NPTX2: variants seen among roughly 807,000 people sequenced by gnomAD.
NPTX2 encodes neuronal pentraxin-2.
NPTX2 carries 23 observed loss-of-function variants against 38.1 expected under a neutral mutation model. The observed-to-expected ratio is 0.60, with a 90% CI of 0.43 to 0.85. NPTX2 has a LOEUF of 0.85. NPTX2 is among the 40% of genes least tolerant of loss of function. The pLI is 0.00. For missense variants in NPTX2, 553 were observed against 615.3 expected, an observed-to-expected ratio of 0.90 and a Z score of 1.07; for synonymous variants, 291 against 287.3, an observed-to-expected ratio of 1.01 and a Z score of -0.13.
chr7:98,619,795 T>C lies in NPTX2; in HGVS notation c.579T>C (p.Ala193=), dbSNP rs1647184574. ...CCCTGCTGCACAATGAGACCTCGGC[T>C]CACCGGCAGAAGACCGAGAGCACCC... is the stretch of plus-strand genomic sequence containing the variant. ...EKSLLHNETS[A]HRQKTESTLN... The change falls in exon 2 of 5, where the codon GCT becomes GCC. Residue 193 remains alanine (A), a synonymous_variant. Coordinates refer to ENST00000265634, the MANE Select transcript of NPTX2 (RefSeq NM_002523.3). The C allele has an allele frequency of 5.6e-6, 9 of 1,613,836 alleles. No homozygotes were observed. The highest frequency in any genetic ancestry group is 6.8e-6 in the Non-Finnish European group (8 of 1,180,032).
rs779189789 is a variant in NPTX2, at chr7:98,619,718, G to A, written c.502G>A (p.Glu168Lys). The A allele has an allele frequency of 1.5e-5, 24 of 1,613,344 alleles. No homozygotes were observed. The highest frequency in any genetic ancestry group is 1.9e-5 in the Non-Finnish European group (23 of 1,180,018). Residue 168 changes from glutamate (E) to lysine (K), a missense_variant, in exon 2 of 5, where the codon GAG becomes AAG. Glu to Lys is a moderately conservative substitution (Grantham distance 56, BLOSUM62 1). Coordinates refer to ENST00000265634, the MANE Select transcript of NPTX2 (RefSeq NM_002523.3). ...FREVLQQRLGELERQLLRKVA... is the reference protein window; with the variant it reads ...FREVLQQRLGKLERQLLRKVA... ...CGAGGTGCTCCAGCAGCGGCTGGGG[G>A]AGCTGGAGAGGCAGCTTCTGCGCAA...
At chr7:98,621,494 G>T (rs1332654221) in intron 2 of NPTX2, among the ~76,000 whole-genome samples, 3 of 152,218 alleles carry the variant, frequency 2.0e-5, no homozygotes, top group African/African-American at 7.2e-5. Context: ...GTGATCATTT[G>T]CAGACCAGTT....
Position 98,629,505 on chromosome 7 carries a change from G to A in NPTX2, c.*876G>A, listed in dbSNP as rs898129421. On this transcript the variant is annotated 3_prime_UTR_variant, in exon 5 of 5. Coordinates refer to ENST00000265634, the MANE Select transcript of NPTX2 (RefSeq NM_002523.3). The stretch of plus-strand genomic sequence containing the variant: ...GAAGGCTCCCATTTTCTGATGTTCC[G>A]CCCCACTGTGAAGAGTGTGCTCGTT... 2.6e-5 allele frequency: 4 copies of A among 152,030 alleles called. No individual in the cohort carries two copies. Among genetic ancestry groups the A allele is most frequent in the African/African-American group, 4.8e-5 (2 of 41,292 alleles). 9.4% of individuals were successfully genotyped at this position (152,030 alleles called of 1,614,324 possible). A position where few individuals can be genotyped will look rare whatever the true frequency, so the allele number is the denominator to read the frequency against.
At chr7:98,622,242 A>G (rs1791282490) in intron 2 of NPTX2, among the ~76,000 whole-genome samples, 1 of 152,174 alleles carries the variant, frequency 6.6e-6, no homozygotes, top group Non-Finnish European at 1.5e-5. Context: ...AATTGGTTTT[A>G]ACCAAGTTTC....
chr7:98,618,188 A>C (rs1012441554), intron 1 of NPTX2, among the ~76,000 whole-genome samples: 6 of 152,156 alleles, frequency 3.9e-5, no homozygotes, highest in African/African-American at 1.4e-4. Flanking sequence ...TAGCGAACCC[A>C]GACGGCCAAG....
chr7:98,627,089 CCTTCCTG>C (rs1428165500), intron 3 of NPTX2, 69 bp from the exon 4 acceptor site: 1 of 985,682 alleles, frequency 1.0e-6, no homozygotes, highest in African/African-American at 1.6e-5. Context: ...TGTGGGGTGT[CCTTCCTG>C]CTTCCTGCCC....
At position 98,617,551 on chromosome 7, in the gene NPTX2, G is replaced by C. The variant is rs779940963; in HGVS notation, c.90G>C (p.Thr30=). ...SPAPGSRFVC[T]ALPPEAVHAG... is the part of the protein sequence containing the mutation. ...CGCCCGGTAGCCGCTTCGTGTGCAC[G>C]GCACTGCCCCCAGAGGCGGTGCACG... The change falls in exon 1 of 5, where the codon ACG becomes ACC. Residue 30 remains threonine (T), a synonymous_variant. Coordinates refer to ENST00000265634, the MANE Select transcript of NPTX2 (RefSeq NM_002523.3). 8.3e-6 allele frequency: 12 copies of C among 1,453,564 alleles called. No individual in the cohort carries two copies. The South Asian group carries it at 1.2e-4, about 14-fold the overall frequency. 90.0% of individuals were successfully genotyped at this position (1,453,564 alleles called of 1,614,324 possible).
Position 98,624,986 on chromosome 7 carries a change from A to G in NPTX2, c.708A>G (p.Leu236=), listed in dbSNP as rs754229228. Residue 236 remains leucine, a synonymous_variant, in exon 3 of 5, where the codon CTA becomes CTG. Transcript: ENST00000265634. ...KVSLPLRTNY[L]YGKIKKTLPE... is the part of the protein sequence containing the mutation. The stretch of plus-strand genomic sequence containing the variant: ...CCCTCCCACTCCGCACAAACTACCT[A>G]TACGGCAAGATCAAGAAGACGCTGC... 9 of 1,613,880 alleles carry G rather than the reference A, an allele frequency of 5.6e-6. 1 individual carries two copies. The South Asian group carries it at 9.9e-5, about 18-fold the overall frequency.
chr7:98,621,916 C>T (rs1006495140), intron 2 of NPTX2, among the ~76,000 whole-genome samples: 2 of 152,202 alleles, frequency 1.3e-5, no homozygotes, highest in Non-Finnish European at 2.9e-5. Flanking sequence ...CAGCCTGGAG[C>T]GGTGTGTGGG....
At chr7:98,626,783 C>T (rs1584143847) in intron 3 of NPTX2, among the ~76,000 whole-genome samples, 1 of 152,214 alleles carries the variant, frequency 6.6e-6, no homozygotes, top group South Asian at 2.1e-4. Flanking sequence ...CAGATCCCTG[C>T]GTGCCATCAT....
intron 2 of NPTX2, among the ~76,000 whole-genome samples, chr7:98,623,775 G>C (rs1009388964): frequency 1.1e-4 from 16 of 152,194 alleles, no homozygotes; most frequent in African/African-American, 3.6e-4. Flanking sequence ...CTGGGTCCCT[G>C]TAAGACTTCC....
intron 2 of NPTX2, among the ~76,000 whole-genome samples, chr7:98,622,569 C>A (rs1791286934): frequency 6.6e-6 from 1 of 152,194 alleles, no homozygotes. Context: ...AGCTGTGTGA[C>A]CTTGGATACG....
chr7:98,623,555 AGACTACAG>A (rs1317322510), intron 2 of NPTX2, among the ~76,000 whole-genome samples: 1 of 152,224 alleles, frequency 6.6e-6, no homozygotes, highest in Non-Finnish European at 1.5e-5. Context: ...CACTGGCTCC[AGACTACAG>A]GAAATGATCA....
intron 2 of NPTX2, among the ~76,000 whole-genome samples, chr7:98,624,655 C>A (rs564328260): frequency 2.6e-4 from 39 of 152,288 alleles, no homozygotes; most frequent in African/African-American, 7.7e-4. Context: ...ACTTCCCTCG[C>A]GTACCTGCTG....
intron 3 of NPTX2, among the ~76,000 whole-genome samples, chr7:98,625,914 G>A (rs1238258733): frequency 6.6e-6 from 1 of 152,070 alleles, no homozygotes; most frequent in Non-Finnish European, 1.5e-5. Flanking sequence ...GGGAGGCCGA[G>A]GCAGGAGGAT....
chr7:98,628,746 C>T lies in NPTX2; in HGVS notation c.*117C>T, dbSNP rs1791395078. On this transcript the variant is annotated 3_prime_UTR_variant, in exon 5 of 5. Transcript: ENST00000265634. Reference sequence around the variant, plus strand: ...GGGCTCAGGGTTCCCAGAGCTCATTCCCCAGGAATCTCTAAGACCAGGGCT... The same window carrying T: ...GGGCTCAGGGTTCCCAGAGCTCATTTCCCAGGAATCTCTAAGACCAGGGCT... 8.8e-6 allele frequency: 5 copies of T among 567,988 alleles called. No individual in the cohort carries two copies. The East Asian group carries it at 1.4e-4, about 16-fold the overall frequency. 35.2% of individuals were successfully genotyped at this position (567,988 alleles called of 1,614,324 possible).
intron 3 of NPTX2, 114 bp downstream of exon 3, chr7:98,625,280 C>A: frequency 1.5e-6 from 2 of 1,359,856 alleles, no homozygotes; most frequent in Non-Finnish European, 2.0e-6. Flanking sequence ...GTGTCCCAGA[C>A]ATGGGACTGC....
Position 98,617,343 on chromosome 7 carries a change from G to A in NPTX2, c.-119G>A. 1 of 296,988 alleles carries A rather than the reference G, an allele frequency of 3.4e-6. No individual in the cohort carries two copies. The allele number at this position is 296,988 out of a possible 1,614,324, so 18.4% of individuals were successfully genotyped here. On this transcript the variant is annotated 5_prime_UTR_variant, in exon 1 of 5. Transcript: ENST00000265634. ...AGACGGCAGGAGACTTCTGCCCCGC[G>A]GTGCACGCGACCCTCGAGACGACAG...
chr7:98,625,293 G>A lies in NPTX2; in HGVS notation c.888+127G>A, dbSNP rs2115627688. On this transcript the variant is annotated intron_variant, in intron 3 of 4. Coordinates refer to ENST00000265634, the MANE Select transcript of NPTX2 (RefSeq NM_002523.3). ...CAGTGTCCCAGACATGGGACTGCGG[G>A]GCTGTCCTCCTCGAGGTGGGGATAG... 4 of 1,287,642 alleles carry A rather than the reference G, an allele frequency of 3.1e-6. No individual in the cohort carries two copies. In the South Asian group the frequency reaches 4.4e-5, roughly 14 times the overall value. 79.8% of individuals were successfully genotyped at this position (1,287,642 alleles called of 1,614,324 possible). A position where few individuals can be genotyped will look rare whatever the true frequency, so the allele number is the denominator to read the frequency against.
Sources: allele counts gnomAD v4.1 joint callset (sites outside exome capture counted in the v4.1 genomes callset), GRCh38; gene constraint gnomAD v4.1.1; transcripts MANE v1.5; gene names NCBI Gene and HGNC (gene_info 2026-07-23, HGNC 2026-07-21).